GPC6: variants seen among roughly 807,000 people sequenced by gnomAD.
GPC6 encodes glypican 6, also known as glypican-6.
Under a neutral mutation model 55.2 loss-of-function variants are expected in GPC6, and 14 were observed. That is an observed-to-expected ratio of 0.25 (90% CI 0.17 to 0.40). The LOEUF is 0.40. Among genes scored for constraint, GPC6 ranks in the 10% least tolerant of loss-of-function variants. The pLI is 1.00. For missense variants in GPC6, 641 were observed against 708.5 expected, an observed-to-expected ratio of 0.90 and a Z score of 1.08; for synonymous variants, 278 against 259.6, an observed-to-expected ratio of 1.07 and a Z score of -0.68.
chr13:93,345,068 C>G (rs1880382790), intron 1 of GPC6, among the ~76,000 whole-genome samples: 1 of 152,050 alleles, frequency 6.6e-6, no homozygotes, highest in Non-Finnish European at 1.5e-5. Context: ...AAAAATGCAT[C>G]CACTGATACT....
Position 94,122,866 on chromosome 13 carries a change from T to C in GPC6, c.877+94972T>C, listed in dbSNP as rs547828296. On this transcript the variant is annotated intron_variant, in intron 4 of 8. Transcript: ENST00000377047. ...ACTTTGTGTGTTTTTGACGCTCTTCTTACATGCAACCATGACCTAATTTGT... is the reference window on the plus strand; with the variant it reads ...ACTTTGTGTGTTTTTGACGCTCTTCCTACATGCAACCATGACCTAATTTGT... 2.8e-4 allele frequency among the ~76,000 whole-genome samples: 42 copies of C among 152,270 alleles called. No homozygotes were observed. The Middle Eastern group carries it at 0.014, about 49-fold the overall frequency.
chr13:94,272,845 G>T (rs149230922), intron 4 of GPC6, among the ~76,000 whole-genome samples: 1 of 151,990 alleles, frequency 6.6e-6, no homozygotes, highest in Non-Finnish European at 1.5e-5. Flanking sequence ...ATACCTGGCC[G>T]AAAGACAGAG....
chr13:93,766,592 A>G (rs1206135845), intron 2 of GPC6, among the ~76,000 whole-genome samples: 1 of 147,438 alleles, frequency 6.8e-6, no homozygotes. Flanking sequence ...TAGATTTTAT[A>G]TTATGTCCAA....
intron 4 of GPC6, among the ~76,000 whole-genome samples, chr13:94,119,500 C>G (rs1219865651): frequency 6.6e-6 from 1 of 152,086 alleles, no homozygotes; most frequent in African/African-American, 2.4e-5. Context: ...GCAGGAGAAA[C>G]AGCAGGTGCA....
chr13:93,376,049 C>CT (rs11362182), intron 1 of GPC6, among the ~76,000 whole-genome samples: 50,182 of 137,694 alleles, frequency 0.36, 10,535 homozygotes, highest in Non-Finnish European at 0.49. Context: ...GCATCTGGCA[C>CT]TTTTTTTTTT....
chr13:93,875,456 A>G (rs1889262282), intron 3 of GPC6, among the ~76,000 whole-genome samples: 1 of 152,056 alleles, frequency 6.6e-6, no homozygotes, highest in African/African-American at 2.4e-5. Context: ...CATGTGATCA[A>G]TTCAAATGAT....
chr13:94,232,822 C>A (rs186066685), intron 4 of GPC6, among the ~76,000 whole-genome samples: 124 of 151,940 alleles, frequency 8.2e-4, no homozygotes, highest in South Asian at 6.7e-3. Context: ...AAGGTGGAGG[C>A]CTTGGAGGAG....
intron 6 of GPC6, among the ~76,000 whole-genome samples, chr13:94,379,314 G>T (rs1014202123): frequency 6.6e-6 from 1 of 152,092 alleles, no homozygotes; most frequent in Non-Finnish European, 1.5e-5. Context: ...AGGTGAATTG[G>T]CCAGTGTTTC....
intron 1 of GPC6, among the ~76,000 whole-genome samples, chr13:93,379,437 T>G (rs1441965603): frequency 6.6e-6 from 1 of 152,232 alleles, no homozygotes; most frequent in Non-Finnish European, 1.5e-5. Flanking sequence ...GTGACCAGTC[T>G]ATTTTTAATC....
At chr13:93,719,898 T>G (rs1251518203) in intron 2 of GPC6, among the ~76,000 whole-genome samples, 1 of 152,172 alleles carries the variant, frequency 6.6e-6, no homozygotes, top group African/African-American at 2.4e-5. Context: ...TTGATTTGCA[T>G]ATGTTGAACC....
At chr13:94,309,458 A>G (rs1876122381) in intron 6 of GPC6, among the ~76,000 whole-genome samples, 1 of 152,190 alleles carries the variant, frequency 6.6e-6, no homozygotes, top group Non-Finnish European at 1.5e-5. Context: ...CTTATATAAA[A>G]TAATTGAAAA....
intron 2 of GPC6, among the ~76,000 whole-genome samples, chr13:93,581,397 G>A (rs751536469): frequency 2.6e-5 from 4 of 152,092 alleles, no homozygotes; most frequent in Admixed American, 1.3e-4. Context: ...AAAACCAACA[G>A]ATATATAATA....
chr13:93,263,904 C>T (rs1173416211), intron 1 of GPC6, among the ~76,000 whole-genome samples: 1 of 152,186 alleles, frequency 6.6e-6, no homozygotes, highest in Non-Finnish European at 1.5e-5. Flanking sequence ...ACATATTTCT[C>T]TCTGTTAGTT....
chr13:94,029,391 A>T (rs1293733740), intron 4 of GPC6, among the ~76,000 whole-genome samples: 1 of 152,234 alleles, frequency 6.6e-6, no homozygotes, highest in South Asian at 2.1e-4. Context: ...AAATGACATG[A>T]TTCTTTACTA....
At chr13:93,528,252 T>TGTA (rs1421606264) in intron 1 of GPC6, among the ~76,000 whole-genome samples, 1 of 152,214 alleles carries the variant, frequency 6.6e-6, no homozygotes, top group Non-Finnish European at 1.5e-5. Context: ...ATTAGTTTAT[T>TGTA]GTATATCACC....
chr13:93,822,113 A>G (rs1887069709), intron 2 of GPC6, among the ~76,000 whole-genome samples: 1 of 151,978 alleles, frequency 6.6e-6, no homozygotes, highest in African/African-American at 2.4e-5. Context: ...TTTACACAAT[A>G]TTGTCTGTAT....
rs11300129 is a variant in GPC6 at position 94,303,765 on chromosome 13, C to CAAAAAA, written c.1009-2200_1009-2195dup. ...ATGTTCTGTAATAATTAACTCCCTC[C>CAAAAAA]AAAAAAAAAAAAAAAAAAAATTCCA... On this transcript the variant is annotated intron_variant, in intron 5 of 8. Transcript: ENST00000377047. Among the ~76,000 whole-genome samples the CAAAAAA allele has an allele frequency of 3.3e-3, 327 of 98,236 alleles. 4 individuals are homozygous for CAAAAAA. The East Asian group carries it at 0.063, about 19-fold the overall frequency. 64.4% of individuals were successfully genotyped at this position (98,236 alleles called of 152,430 possible). A position where few individuals can be genotyped will look rare whatever the true frequency, so the allele number is the denominator to read the frequency against.
At chr13:93,228,015 C>T (rs1056318429) in intron 1 of GPC6, among the ~76,000 whole-genome samples, 1 of 152,176 alleles carries the variant, frequency 6.6e-6, no homozygotes, top group African/African-American at 2.4e-5. Flanking sequence ...GAACTGCGAC[C>T]GCAGTTTGCC....
At chr13:93,825,342 A>T (rs1739235724) in intron 2 of GPC6, among the ~76,000 whole-genome samples, 1 of 152,206 alleles carries the variant, frequency 6.6e-6, no homozygotes, top group Non-Finnish European at 1.5e-5. Context: ...ATCCAGCTCA[A>T]AATGAGCACA....
Sources: allele counts gnomAD v4.1 joint callset (sites outside exome capture counted in the v4.1 genomes callset), GRCh38; gene constraint gnomAD v4.1.1; transcripts MANE v1.5; gene names NCBI Gene and HGNC (gene_info 2026-07-23, HGNC 2026-07-21).